TTC34: variants seen among roughly 807,000 people sequenced by gnomAD.
TTC34 encodes the protein tetratricopeptide repeat domain 34.
In TTC34, 44 loss-of-function variants were observed where a neutral mutation model predicts 40.7. That is an observed-to-expected ratio of 1.08 (90% CI 0.85 to 1.39). The LOEUF (loss-of-function observed/expected upper bound fraction) is 1.39, where lower values mean the gene tolerates loss of function less well. Among genes scored for constraint, TTC34 ranks in the 40% most tolerant of loss-of-function variants. The probability of loss-of-function intolerance (pLI) is 0.00; values close to 1 mark genes in which losing one functional copy is unlikely to be tolerated. For synonymous variants in TTC34, 422 were observed against 398.6 expected, an observed-to-expected ratio of 1.06 and a Z score of -0.70; for missense variants, 884 against 838.0, an observed-to-expected ratio of 1.05 and a Z score of -0.68.
In TTC34 at chr1:2,693,911, AGCTGAGCCTGTGACAGCCT is replaced by A. The variant is rs1229738278; in HGVS notation, c.2227-48367_2227-48349del. On this transcript the variant is annotated intron_variant, in intron 6 of 8. Coordinates refer to ENST00000401095, the Ensembl canonical transcript of TTC34. ...AGACTGGAACAGCACCCACATGCCCAGCTGAGCCTGTGACAGCCTCGAACAGCACCCTGCACCCCCAGGG... is the reference window on the plus strand; with the variant it reads ...AGACTGGAACAGCACCCACATGCCCACGAACAGCACCCTGCACCCCCAGGG... Among the ~76,000 whole-genome samples the A allele has an allele frequency of 1.8e-4, 13 of 73,130 alleles. 1 individual carries two copies. The highest frequency in any genetic ancestry group is 4.4e-4 in the African/African-American group (8 of 18,316). 48.0% of individuals were successfully genotyped at this position (73,130 alleles called of 152,430 possible). A position where few individuals can be genotyped will look rare whatever the true frequency, so the allele number is the denominator to read the frequency against.
chr1:2,761,159 AC>A lies in TTC34; in HGVS notation c.2226+22449del, dbSNP rs1308943199. Among the ~76,000 whole-genome samples, 3 of 27,816 alleles carry A rather than the reference AC, an allele frequency of 1.1e-4. 1 individual carries two copies. The highest frequency in any genetic ancestry group is 1.6e-4 in the Non-Finnish European group (3 of 18,352). 18.2% of individuals were successfully genotyped at this position (27,816 alleles called of 152,430 possible). A position where few individuals can be genotyped will look rare whatever the true frequency, so the allele number is the denominator to read the frequency against. On this transcript the variant is annotated intron_variant, in intron 6 of 8. Transcript: ENST00000401095. ...CATCCGACAGCCTGGAGCAGCGCCG[AC>A]CCCCCCAGGGTGAGCATCTGACAGC...
intron 6 of TTC34, among the ~76,000 whole-genome samples, chr1:2,673,074 A>C (rs1570783523): frequency 5.9e-5 from 3 of 51,006 alleles, no homozygotes; most frequent in African/African-American, 6.8e-5. Context: ...AGCACCCTGC[A>C]CCCCCAGGTG....
chr1:2,778,283 C>T (rs748469402), intron 6 of TTC34, among the ~76,000 whole-genome samples: 6 of 152,230 alleles, frequency 3.9e-5, no homozygotes, highest in Non-Finnish European at 8.8e-5. Context: ...CCCAGCGAAG[C>T]ATCAGGGCAG....
intron 6 of TTC34, among the ~76,000 whole-genome samples, chr1:2,686,057 G>A (rs1359112958): frequency 1.7e-5 from 2 of 114,590 alleles, no homozygotes; most frequent in African/African-American, 7.6e-5. Flanking sequence ...GTGAGCATCC[G>A]ACAGCCTGGA....
intron 6 of TTC34, among the ~76,000 whole-genome samples, chr1:2,683,713 C>A (rs1388447687): frequency 2.5e-4 from 32 of 129,762 alleles, no homozygotes; most frequent in African/African-American, 8.8e-4. Context: ...AGCACCCACA[C>A]CCCCAGGTGA....
In TTC34 at chr1:2,787,724, C is replaced by G; in HGVS notation, c.1629-18G>C. 1 of 1,509,884 alleles carries G rather than the reference C, an allele frequency of 6.6e-7. No individual in the cohort carries two copies. Among genetic ancestry groups the G allele is most frequent in the South Asian group, 1.2e-5 (1 of 80,726 alleles). The allele number at this position is 1,509,884 out of a possible 1,614,324, so 93.5% of individuals were successfully genotyped here. A position where few individuals can be genotyped will look rare whatever the true frequency, so the allele number is the denominator to read the frequency against. Reference sequence around the variant, plus strand: ...AGGCGACCCTGTGTGGAGATCAGCTCAGGGGGGCATGCCCCTTTTGACAAC... The same window carrying G: ...AGGCGACCCTGTGTGGAGATCAGCTGAGGGGGGCATGCCCCTTTTGACAAC... On this transcript the variant is annotated intron_variant, in intron 3 of 8. Coordinates refer to ENST00000401095, the Ensembl canonical transcript of TTC34.
At chr1:2,684,531 C>T (rs1423860950) in intron 6 of TTC34, among the ~76,000 whole-genome samples, 2 of 123,450 alleles carry the variant, frequency 1.6e-5, no homozygotes, top group Non-Finnish European at 3.5e-5. Context: ...AGGTGAGCAT[C>T]CGACATCCTG....
At chr1:2,654,000 G>C (rs796546670) in intron 6 of TTC34, among the ~76,000 whole-genome samples, 1,724 of 76,240 alleles carry the variant, frequency 0.023, no homozygotes, top group South Asian at 0.039. Context: ...GTCTGGAGCA[G>C]TGCCCACACC....
intron 6 of TTC34, among the ~76,000 whole-genome samples, chr1:2,753,202 G>A (rs1641384132): frequency 3.8e-5 from 3 of 79,366 alleles, no homozygotes; most frequent in Non-Finnish European, 6.5e-5. Flanking sequence ...ACATCGTGCA[G>A]CAGCACCCCA....
intron 6 of TTC34, among the ~76,000 whole-genome samples, chr1:2,651,415 A>G (rs1639130146): frequency 6.6e-6 from 1 of 151,958 alleles, no homozygotes; most frequent in South Asian, 2.1e-4. Flanking sequence ...AACTTGTGAC[A>G]ATCCGAAACA....
At chr1:2,692,531 A>T in intron 6 of TTC34, among the ~76,000 whole-genome samples, 1 of 123,590 alleles carries the variant, frequency 8.1e-6, no homozygotes, top group Non-Finnish European at 1.7e-5. Context: ...GACAGCTTGG[A>T]TCAGCACCCA....
chr1:2,773,265 T>A (rs1212786467), intron 6 of TTC34, among the ~76,000 whole-genome samples: 3 of 85,902 alleles, frequency 3.5e-5, no homozygotes, highest in African/African-American at 4.1e-5. Context: ...CACCCCCAGG[T>A]GAGCATCTGA....
At chr1:2,773,599 GC>G (rs1642707866) in intron 6 of TTC34, 1 of 100,248 alleles carries the variant, frequency 1.0e-5, no homozygotes, top group Non-Finnish European at 2.0e-5. Context: ...GCATCTGACA[GC>G]CTGGAGCAGC....
At chr1:2,672,672 A>AGC (rs1639743320) in intron 6 of TTC34, among the ~76,000 whole-genome samples, 1 of 45,596 alleles carries the variant, frequency 2.2e-5, no homozygotes, top group African/African-American at 7.6e-5. Flanking sequence ...CAGTGCCCAC[A>AGC]CACCCAGGCG....
chr1:2,643,197 C>A (rs1638948604), intron 8 of TTC34, among the ~76,000 whole-genome samples: 1 of 152,236 alleles, frequency 6.6e-6, no homozygotes, highest in Admixed American at 6.5e-5. Context: ...TCGGGCCGCG[C>A]AGGCGCAGTG....
chr1:2,699,177 G>A (rs1226207540), intron 6 of TTC34, among the ~76,000 whole-genome samples: 1 of 145,668 alleles, frequency 6.9e-6, no homozygotes, highest in Non-Finnish European at 1.5e-5. Context: ...ACAGCCCAAG[G>A]TGAGCATCTG....
chr1:2,656,042 G>A (rs1468290555), intron 6 of TTC34, among the ~76,000 whole-genome samples: 87 of 148,304 alleles, frequency 5.9e-4, no homozygotes, highest in African/African-American at 2.2e-3. Flanking sequence ...ACAGCCTGGA[G>A]CAGCACCCAC....
intron 6 of TTC34, among the ~76,000 whole-genome samples, chr1:2,757,420 G>A (rs1315529159): frequency 4.6e-4 from 18 of 38,726 alleles, no homozygotes; most frequent in South Asian, 1.5e-3. Context: ...GCCTGGATCT[G>A]CACCCACACT....
intron 2 of TTC34, among the ~76,000 whole-genome samples, chr1:2,795,650 TG>T (rs1264658254): frequency 6.6e-6 from 1 of 152,222 alleles, no homozygotes; most frequent in African/African-American, 2.4e-5. Flanking sequence ...TGCATCTTGC[TG>T]GGAGGAAAGC....
Sources: gnomAD v4.1 joint callset for allele counts (sites outside exome capture counted in the v4.1 genomes callset) on GRCh38, gnomAD v4.1.1 for gene constraint, MANE v1.5 for transcripts, NCBI Gene and HGNC (gene_info 2026-07-23, HGNC 2026-07-21) for gene names.